The following SGPL1 variants were observed in gnomAD, a reference collection of about 807,000 sequenced individuals.
The protein encoded by SGPL1 is sphingosine-1-phosphate lyase 1.
In SGPL1, 37 loss-of-function variants were observed where a neutral mutation model predicts 68.9. The ratio of observed to expected loss-of-function variants is 0.54; its 90% CI spans 0.41 to 0.71. The LOEUF is 0.71. SGPL1 is among the 30% of genes least tolerant of loss of function. The pLI, the probability that SGPL1 is intolerant of heterozygous loss-of-function variation, is 0.00. For synonymous variants in SGPL1, 236 were observed against 248.5 expected (o/e 0.95, Z 0.47); for missense variants, 551 against 704.6 (o/e 0.78, Z 2.47).
intron 2 of SGPL1, among the ~76,000 whole-genome samples, chr10:70,819,962 G>T (rs1382701093): frequency 1.3e-5 from 2 of 152,060 alleles, no homozygotes; most frequent in African/African-American, 4.8e-5. Context: ...TATTATACAT[G>T]AATCTGTTGA....
At chr10:70,841,106 C>T (rs769423365) in intron 2 of SGPL1, among the ~76,000 whole-genome samples, 2 of 152,102 alleles carry the variant, frequency 1.3e-5, no homozygotes, top group Non-Finnish European at 2.9e-5. Context: ...TCATGACATA[C>T]TTTTGATGAT....
intron 3 of SGPL1, among the ~76,000 whole-genome samples, chr10:70,845,306 T>A (rs1340363905): frequency 1.3e-5 from 2 of 152,154 alleles, no homozygotes; most frequent in African/African-American, 4.8e-5. Context: ...TTGCTTTCAT[T>A]TTGTGCTATC....
Position 70,875,564 on chromosome 10 carries a change from C to A in SGPL1, c.1445+16C>A. ...TCCCACCCAGGTAAGCTTGAAGAAGCCTCTTTCCCTTATTTTGCTCCATGA... is the reference window on the plus strand; with the variant it reads ...TCCCACCCAGGTAAGCTTGAAGAAGACTCTTTCCCTTATTTTGCTCCATGA... On this transcript the variant is annotated intron_variant, in intron 13 of 14. Transcript: ENST00000373202. 1 of 1,593,792 alleles carries A rather than the reference C, an allele frequency of 6.3e-7. No individual in the cohort carries two copies. The highest frequency in any genetic ancestry group is 1.1e-5 in the South Asian group (1 of 89,098).
chr10:70,845,741 G>C (rs1195744369), intron 3 of SGPL1, among the ~76,000 whole-genome samples: 2 of 152,038 alleles, frequency 1.3e-5, no homozygotes, highest in Non-Finnish European at 2.9e-5. Flanking sequence ...ATTTGGTGCT[G>C]GATGTTCTAT....
chr10:70,828,749 A>G (rs1845481265), intron 2 of SGPL1, among the ~76,000 whole-genome samples: 1 of 152,186 alleles, frequency 6.6e-6, no homozygotes, highest in South Asian at 2.1e-4. Flanking sequence ...TTGTAGTAAC[A>G]CTTTATACTC....
chr10:70,848,454 C>CTTTTTTTT lies in SGPL1; in HGVS notation c.194-2668_194-2661dup, dbSNP rs55860254. The stretch of plus-strand genomic sequence containing the variant: ...CAAACTAACGTGATTACCTCACGTA[C>CTTTTTTTT]TTTTTTTTTTTTTTTTTTTTTTTTT... On this transcript the variant is annotated intron_variant, in intron 3 of 14. Transcript: ENST00000373202. Among the ~76,000 whole-genome samples, 4 of 70,684 alleles carry CTTTTTTTT rather than the reference C, an allele frequency of 5.7e-5. 1 individual carries two copies. Among genetic ancestry groups the CTTTTTTTT allele is most frequent in the Non-Finnish European group, 7.4e-5 (3 of 40,636 alleles). The allele number at this position is 70,684 out of a possible 152,430, so 46.4% of individuals were successfully genotyped here.
chr10:70,827,208 A>G (rs888828918), intron 2 of SGPL1, among the ~76,000 whole-genome samples: 2 of 152,216 alleles, frequency 1.3e-5, no homozygotes, highest in African/African-American at 2.4e-5. Flanking sequence ...TTATTTTTTG[A>G]CAATCTGGTA....
chr10:70,857,579 T>C, intron 5 of SGPL1, 35 bp from the exon 6 acceptor site: 1 of 1,551,428 alleles, frequency 6.4e-7, no homozygotes, highest in Non-Finnish European at 8.9e-7. Flanking sequence ...CAGAGATTCT[T>C]GCTTACTGAC....
intron 2 of SGPL1, among the ~76,000 whole-genome samples, chr10:70,830,161 C>T (rs1163711932): frequency 6.6e-6 from 1 of 152,108 alleles, no homozygotes; most frequent in Non-Finnish European, 1.5e-5. Context: ...GGTTTCTTAG[C>T]TGAAGGGACA....
intron 2 of SGPL1, among the ~76,000 whole-genome samples, chr10:70,827,717 C>T (rs1845461015): frequency 6.6e-6 from 1 of 152,028 alleles, no homozygotes; most frequent in Admixed American, 6.6e-5. Flanking sequence ...GTAAAGGGCA[C>T]AAATCTTAAT....
chr10:70,837,201 C>G (rs1564620677), intron 2 of SGPL1, among the ~76,000 whole-genome samples: 1 of 151,902 alleles, frequency 6.6e-6, no homozygotes, highest in Non-Finnish European at 1.5e-5. Context: ...CTTCAGCCTC[C>G]TGGGTAGCTG....
chr10:70,840,583 G>T (rs529480613), intron 2 of SGPL1, among the ~76,000 whole-genome samples: 1 of 152,166 alleles, frequency 6.6e-6, no homozygotes, highest in African/African-American at 2.4e-5. Flanking sequence ...GCCAGGAGAT[G>T]TAATTTCTGT....
chr10:70,845,288 G>A (rs1845774629), intron 3 of SGPL1, among the ~76,000 whole-genome samples: 1 of 152,030 alleles, frequency 6.6e-6, no homozygotes, highest in Non-Finnish European at 1.5e-5. Flanking sequence ...TCCCAGAGCA[G>A]GAATTTATTG....
chr10:70,825,213 G>A (rs1163912907), intron 2 of SGPL1, among the ~76,000 whole-genome samples: 2 of 152,074 alleles, frequency 1.3e-5, no homozygotes, highest in African/African-American at 4.8e-5. Context: ...TGACCCAGTA[G>A]GAAAGGCATC....
chr10:70,818,436 T>G (rs1845279556), intron 2 of SGPL1, among the ~76,000 whole-genome samples: 1 of 152,216 alleles, frequency 6.6e-6, no homozygotes, highest in African/African-American at 2.4e-5. Context: ...GTTTGTTTGT[T>G]TGTTTGTTTT....
chr10:70,821,590 C>A (rs1028935433), intron 2 of SGPL1, among the ~76,000 whole-genome samples: 4 of 152,264 alleles, frequency 2.6e-5, no homozygotes, highest in Middle Eastern at 3.4e-3. Flanking sequence ...TGGGTTGTTA[C>A]ACCTGAAGGG....
At chr10:70,856,783 T>C (rs541905816) in intron 5 of SGPL1, among the ~76,000 whole-genome samples, 1 of 152,222 alleles carries the variant, frequency 6.6e-6, no homozygotes, top group Non-Finnish European at 1.5e-5. Flanking sequence ...CGTAATAGCT[T>C]TCTCACTACC....
At chr10:70,825,659 C>A (rs1222502290) in intron 2 of SGPL1, among the ~76,000 whole-genome samples, 1 of 152,178 alleles carries the variant, frequency 6.6e-6, no homozygotes, top group Non-Finnish European at 1.5e-5. Context: ...TTTAAAAGTA[C>A]TGCAGTCCAG....
chr10:70,851,771 T>A (rs1845886401), intron 4 of SGPL1, among the ~76,000 whole-genome samples: 1 of 152,160 alleles, frequency 6.6e-6, no homozygotes, highest in African/African-American at 2.4e-5. Context: ...CTGTTGCAAC[T>A]CCTCACCTCT....
Sources: allele counts gnomAD v4.1 joint callset (sites outside exome capture counted in the v4.1 genomes callset), GRCh38; gene constraint gnomAD v4.1.1; transcripts MANE v1.5; gene names NCBI Gene and HGNC (gene_info 2026-07-23, HGNC 2026-07-21).